Variants in ARMH4 observed in about 807,000 individuals in gnomAD.
The protein encoded by ARMH4 is armadillo-like helical domain-containing protein 4.
ARMH4 carries 49 observed loss-of-function variants against 61.9 expected under a neutral mutation model. The ratio of observed to expected loss-of-function variants is 0.79; its 90% CI spans 0.63 to 1.00. The LOEUF is 1.00. ARMH4 is among the 50% of genes least tolerant of loss of function. The pLI is 0.00. For synonymous variants in ARMH4, 368 were observed against 341.5 expected (o/e 1.08, Z -0.85); for missense variants, 934 against 930.0 (o/e 1.00, Z -0.06).
intron 5 of ARMH4, among the ~76,000 whole-genome samples, chr14:58,042,100 T>C (rs1241093203): frequency 3.9e-5 from 6 of 151,974 alleles, no homozygotes; most frequent in Non-Finnish European, 8.8e-5. Context: ...GCAGACCTAA[T>C]AGACATCTAC....
chr14:58,100,625 A>C (rs1250250832), intron 4 of ARMH4, among the ~76,000 whole-genome samples: 1 of 152,148 alleles, frequency 6.6e-6, no homozygotes, highest in Non-Finnish European at 1.5e-5. Flanking sequence ...GTTATTAGGA[A>C]AACTATCAGG....
At chr14:58,089,386 A>G (rs1317608584) in intron 5 of ARMH4, among the ~76,000 whole-genome samples, 1 of 152,206 alleles carries the variant, frequency 6.6e-6, no homozygotes, top group Non-Finnish European at 1.5e-5. Context: ...GGATAATAAG[A>G]AAAAAGGAGG....
intron 6 of ARMH4, among the ~76,000 whole-genome samples, chr14:58,011,092 C>T (rs1325217915): frequency 1.3e-5 from 2 of 152,174 alleles, no homozygotes; most frequent in East Asian, 1.9e-4. Context: ...ATTACAAATA[C>T]CAAAATGGCC....
At chr14:58,115,021 C>A (rs560166784) in intron 4 of ARMH4, among the ~76,000 whole-genome samples, 2 of 152,286 alleles carry the variant, frequency 1.3e-5, no homozygotes, top group South Asian at 4.1e-4. Flanking sequence ...CCATTCTGGA[C>A]ATTGGCCTTG....
At chr14:58,072,366 G>A (rs1416108547) in intron 5 of ARMH4, among the ~76,000 whole-genome samples, 4 of 152,168 alleles carry the variant, frequency 2.6e-5, no homozygotes, top group Admixed American at 2.0e-4. Context: ...AAGAAATCTA[G>A]ATAACTAATT....
At chr14:58,048,482 AGAGGC>A (rs1884012028) in intron 5 of ARMH4, among the ~76,000 whole-genome samples, 1 of 152,210 alleles carries the variant, frequency 6.6e-6, no homozygotes, top group Non-Finnish European at 1.5e-5. Flanking sequence ...GGTGATGATA[AGAGGC>A]ATTCCCGTAA....
At chr14:58,103,599 T>TA (rs869288770) in intron 4 of ARMH4, among the ~76,000 whole-genome samples, 4 of 36,540 alleles carry the variant, frequency 1.1e-4, no homozygotes, top group African/African-American at 3.3e-4. Context: ...GAGCACTATA[T>TA]TTTTTTTTGG....
chr14:58,082,625 A>G (rs1234284052), intron 5 of ARMH4, among the ~76,000 whole-genome samples: 1 of 152,102 alleles, frequency 6.6e-6, no homozygotes, highest in Non-Finnish European at 1.5e-5. Flanking sequence ...CTTTCAGAGC[A>G]TTTTTCTTCC....
At chr14:58,039,589 A>C (rs1335131101) in intron 5 of ARMH4, among the ~76,000 whole-genome samples, 1 of 152,238 alleles carries the variant, frequency 6.6e-6, no homozygotes, top group African/African-American at 2.4e-5. Context: ...AAGTCCAGGG[A>C]TTAGCCTCCC....
intron 6 of ARMH4, among the ~76,000 whole-genome samples, chr14:58,010,627 T>G (rs1012517611): frequency 7.2e-5 from 11 of 152,206 alleles, no homozygotes; most frequent in African/African-American, 2.6e-4. Context: ...TACAAAATTA[T>G]TTCTCTTGAT....
chr14:58,012,414 T>C (rs763410602), intron 5 of ARMH4, among the ~76,000 whole-genome samples: 6 of 152,182 alleles, frequency 3.9e-5, no homozygotes, highest in Non-Finnish European at 8.8e-5. Context: ...TATTGAATGA[T>C]TAGTGGGGAG....
At chr14:58,101,070 G>T in intron 4 of ARMH4, 1 of 168,532 alleles carries the variant, frequency 5.9e-6, no homozygotes, top group South Asian at 1.7e-4. Context: ...GATGCAACCA[G>T]GGTGACCAAG....
chr14:58,002,155 G>T lies in ARMH4; in HGVS notation c.*2581C>A, dbSNP rs561231925. 1 of 152,198 alleles carries T rather than the reference G, an allele frequency of 6.6e-6. No homozygotes were observed. The highest frequency in any genetic ancestry group is 1.9e-4 in the East Asian group (1 of 5,176). 9.4% of individuals were successfully genotyped at this position (152,198 alleles called of 1,614,324 possible). ...TGGCCAGCACTTCCATCTCGTAGCA[G>T]CATCTCTAATCCCAGGTTTTGTTTA... On this transcript the variant is annotated 3_prime_UTR_variant, in exon 8 of 8. Coordinates refer to ENST00000267485, the MANE Select transcript of ARMH4 (RefSeq NM_001001872.4).
Position 58,002,616 on chromosome 14 carries a change from G to C in ARMH4, c.*2120C>G, listed in dbSNP as rs774952586. On this transcript the variant is annotated 3_prime_UTR_variant, in exon 8 of 8. Transcript: ENST00000267485. Reference sequence around the variant, plus strand: ...GCTACTCAGTTAAGTGGCCTACGACGTATTCTCAACAAATAGTTTGTCAAG... The same window carrying C: ...GCTACTCAGTTAAGTGGCCTACGACCTATTCTCAACAAATAGTTTGTCAAG... 2.6e-5 allele frequency: 4 copies of C among 152,166 alleles called. No homozygotes were observed. Among genetic ancestry groups the C allele is most frequent in the Admixed American group, 2.6e-4 (4 of 15,264 alleles). 9.4% of individuals were successfully genotyped at this position (152,166 alleles called of 1,614,324 possible). A position where few individuals can be genotyped will look rare whatever the true frequency, so the allele number is the denominator to read the frequency against.
rs1364624961 is a variant in ARMH4, at chr14:58,033,292, C to G, written c.2090-21142G>C. Among the ~76,000 whole-genome samples the G allele has an allele frequency of 2.2e-4, 25 of 111,562 alleles. 4 individuals are homozygous for G. Among genetic ancestry groups the G allele is most frequent in the African/African-American group, 5.2e-4 (17 of 32,406 alleles). The allele number at this position is 111,562 out of a possible 152,430, so 73.2% of individuals were successfully genotyped here. On this transcript the variant is annotated intron_variant, in intron 5 of 7. Transcript: ENST00000267485. The stretch of plus-strand genomic sequence containing the variant: ...GGGAGGCACCCCCCCAGCAGGGGCA[C>G]ACTGACACCTCACACGGCAGGGTAT...
chr14:58,110,897 T>TA (rs1490742763), intron 4 of ARMH4, among the ~76,000 whole-genome samples: 1 of 151,808 alleles, frequency 6.6e-6, no homozygotes, highest in African/African-American at 2.4e-5. Flanking sequence ...TAATTTTTTT[T>TA]ATTACAGGTG....
At chr14:58,013,659 G>A (rs1469335180) in intron 5 of ARMH4, among the ~76,000 whole-genome samples, 1 of 152,148 alleles carries the variant, frequency 6.6e-6, no homozygotes, top group South Asian at 2.1e-4. Context: ...AAACATGAAA[G>A]TCAGGTCAGA....
chr14:58,061,151 G>A (rs931362031), intron 5 of ARMH4, among the ~76,000 whole-genome samples: 2 of 152,154 alleles, frequency 1.3e-5, no homozygotes, highest in South Asian at 2.1e-4. Context: ...AGGAGGAATC[G>A]AATCCATCCC....
intron 5 of ARMH4, among the ~76,000 whole-genome samples, chr14:58,088,902 T>C (rs1885467062): frequency 6.6e-6 from 1 of 152,232 alleles, no homozygotes; most frequent in South Asian, 2.1e-4. Context: ...GAAAATGCTC[T>C]TTCTCCATCT....
Sources: allele counts gnomAD v4.1 joint callset (sites outside exome capture counted in the v4.1 genomes callset), GRCh38; gene constraint gnomAD v4.1.1; transcripts MANE v1.5; gene names NCBI Gene and HGNC (gene_info 2026-07-23, HGNC 2026-07-21).